Variants in ST6GAL1 observed in about 807,000 individuals in gnomAD.
ST6GAL1 encodes beta-galactoside alpha-2,6-sialyltransferase 1.
ST6GAL1 carries 20 observed loss-of-function variants against 38.0 expected under a neutral mutation model. That is an observed-to-expected ratio of 0.53 (90% confidence interval 0.37 to 0.77). The LOEUF is 0.77. Among genes scored for constraint, ST6GAL1 ranks in the 30% least tolerant of loss-of-function variants. The probability of loss-of-function intolerance (pLI) is 0.00; values close to 1 mark genes in which losing one functional copy is unlikely to be tolerated. For synonymous variants in ST6GAL1, 196 were observed against 188.2 expected, an observed-to-expected ratio of 1.04 and a Z score of -0.34; for missense variants, 432 against 496.4, an observed-to-expected ratio of 0.87 and a Z score of 1.23.
Position 187,075,777 on chromosome 3 carries a change from C to G in ST6GAL1, c.1195C>G (p.Pro399Ala). 6.2e-7 allele frequency: 1 copy of G among 1,614,226 alleles called. No homozygotes were observed. Among genetic ancestry groups the G allele is most frequent in the Middle Eastern group, 1.6e-4 (1 of 6,062 alleles). ...DIYLLGKATLPGFRTIHC is the reference protein window; with the variant it reads ...DIYLLGKATLAGFRTIHC Reference sequence around the variant, plus strand: ...CTACCTGCTTGGAAAAGCCACACTGCCTGGCTTCCGGACCATTCACTGCTA... The same window carrying G: ...CTACCTGCTTGGAAAAGCCACACTGGCTGGCTTCCGGACCATTCACTGCTA... Residue 399 changes from proline to alanine, a missense_variant, in exon 8 of 8, where the codon CCT (proline) becomes GCT (alanine). Physicochemically the swap from Pro to Ala is conservative, Grantham distance 27. Transcript: ENST00000169298. This position sits in a 1 kb window ranked among gnomAD's most constrained non-coding sequence, Gnocchi z 4.1.
intron 5 of ST6GAL1, among the ~76,000 whole-genome samples, chr3:187,057,687 C>T (rs949117406): frequency 1.3e-5 from 2 of 152,168 alleles, no homozygotes; most frequent in Non-Finnish European, 2.9e-5. Context: ...GGGGCAACTG[C>T]CTGTATGAGG....
intron 1 of ST6GAL1, among the ~76,000 whole-genome samples, chr3:186,962,401 A>C (rs983820822): frequency 3.9e-5 from 6 of 152,200 alleles, no homozygotes; most frequent in African/African-American, 1.4e-4. Context: ...GTCTTATCTT[A>C]GGCTGGGGCT....
chr3:187,048,333 G>C (rs1250862360), intron 4 of ST6GAL1, among the ~76,000 whole-genome samples: 3 of 152,054 alleles, frequency 2.0e-5, no homozygotes, highest in African/African-American at 7.2e-5. Context: ...CTCTGTAACT[G>C]TATCTTTGAT....
At chr3:186,961,011 T>C (rs1199999185) in intron 1 of ST6GAL1, among the ~76,000 whole-genome samples, 4 of 147,574 alleles carry the variant, frequency 2.7e-5, no homozygotes, top group Non-Finnish European at 6.0e-5. Flanking sequence ...ACTCTGTCAC[T>C]CAGGCTGGAG....
intron 2 of ST6GAL1, among the ~76,000 whole-genome samples, chr3:187,021,645 C>T (rs1312764721): frequency 6.7e-6 from 1 of 148,286 alleles, no homozygotes; most frequent in Admixed American, 6.9e-5. Context: ...GAGGCTGAGG[C>T]AGGAAGAATT....
intron 1 of ST6GAL1, among the ~76,000 whole-genome samples, chr3:186,957,390 C>T (rs567258061): frequency 3.3e-4 from 50 of 152,274 alleles, no homozygotes; most frequent in African/African-American, 1.1e-3. Context: ...TTGCAGTGAG[C>T]TGAGGTTGTA....
chr3:186,945,611 G>A (rs555770745), intron 1 of ST6GAL1, among the ~76,000 whole-genome samples: 1 of 152,282 alleles, frequency 6.6e-6, no homozygotes, highest in South Asian at 2.1e-4. Context: ...GGAACAGAAT[G>A]TGAGGAAGTA....
chr3:187,057,111 G>T lies in ST6GAL1; in HGVS notation c.705+5765G>T, dbSNP rs371399875. ...GATCGCATTGGCTATTGAAGCTTGT[G>T]CATGCATCTCGTAGTTCTTAAGCCA... On this transcript the variant is annotated intron_variant, in intron 5 of 7. Transcript: ENST00000169298. Among the ~76,000 whole-genome samples, 113 of 152,212 alleles carry T rather than the reference G, an allele frequency of 7.4e-4. 1 individual carries two copies. Among genetic ancestry groups the T allele is most frequent in the African/African-American group, 2.7e-3 (112 of 41,516 alleles).
chr3:187,009,585 CTG>C (rs1390081709), intron 2 of ST6GAL1, among the ~76,000 whole-genome samples: 1 of 152,184 alleles, frequency 6.6e-6, no homozygotes, highest in Non-Finnish European at 1.5e-5. Context: ...TGAGCTATCA[CTG>C]TGCCACTGTC....
intron 2 of ST6GAL1, among the ~76,000 whole-genome samples, chr3:187,022,760 G>A (rs985993232): frequency 5.3e-5 from 8 of 152,134 alleles, no homozygotes; most frequent in Non-Finnish European, 1.0e-4. Context: ...TGTATTTTGG[G>A]GCAAAATATT....
chr3:186,995,439 G>A (rs1477629511), intron 2 of ST6GAL1, among the ~76,000 whole-genome samples: 2 of 149,148 alleles, frequency 1.3e-5, no homozygotes, highest in African/African-American at 2.5e-5. Context: ...CCGGGAGGTG[G>A]AGCTTGCAGT....
chr3:187,017,268 AG>A lies in ST6GAL1; in HGVS notation c.-182-21472del, dbSNP rs145065251. ...GGCCTGGCCTCTCCCATTCTGCCCA[AG>A]GAAACCCTCTGTGAACTTTTACATT... On this transcript the variant is annotated intron_variant, in intron 2 of 7. Transcript: ENST00000169298. 2.6e-3 allele frequency among the ~76,000 whole-genome samples: 401 copies of A among 152,328 alleles called. 3 individuals carry two copies. The highest frequency in any genetic ancestry group is 9.4e-3 in the African/African-American group (389 of 41,572).
At chr3:187,061,712 A>G (rs2108594986) in intron 5 of ST6GAL1, among the ~76,000 whole-genome samples, 1 of 152,320 alleles carries the variant, frequency 6.6e-6, no homozygotes, top group African/African-American at 2.4e-5. Context: ...AAAAATAAAA[A>G]TTAACTCAAA....
At chr3:187,039,294 CGTG>C (rs1718045863) in intron 3 of ST6GAL1, among the ~76,000 whole-genome samples, 1 of 152,158 alleles carries the variant, frequency 6.6e-6, no homozygotes, top group Non-Finnish European at 1.5e-5. Flanking sequence ...CTAGAAGCCT[CGTG>C]ATGATTGTAA....
intron 2 of ST6GAL1, among the ~76,000 whole-genome samples, chr3:186,993,918 A>C (rs1167647598): frequency 1.3e-5 from 2 of 152,286 alleles, no homozygotes; most frequent in South Asian, 2.1e-4. Flanking sequence ...TCATCATCAT[A>C]ATAACAATTG....
intron 2 of ST6GAL1, among the ~76,000 whole-genome samples, chr3:187,014,709 T>G (rs535336640): frequency 6.6e-6 from 1 of 152,224 alleles, no homozygotes; most frequent in African/African-American, 2.4e-5. Flanking sequence ...CCTCTCCCAT[T>G]TGCGGTTCCT....
At chr3:187,021,632 C>T (rs920672907) in intron 2 of ST6GAL1, among the ~76,000 whole-genome samples, 12 of 149,698 alleles carry the variant, frequency 8.0e-5, no homozygotes, top group Admixed American at 3.4e-4. Flanking sequence ...CCCAGCTACT[C>T]GGGAGGCTGA....
chr3:187,049,778 A>T (rs1036847670), intron 4 of ST6GAL1, among the ~76,000 whole-genome samples: 9 of 152,228 alleles, frequency 5.9e-5, no homozygotes, highest in African/African-American at 1.9e-4. Context: ...TCATCTGTGA[A>T]ATGGAAAAGT....
chr3:186,936,315 GA>G (rs774708130), intron 1 of ST6GAL1, among the ~76,000 whole-genome samples: 1 of 152,230 alleles, frequency 6.6e-6, no homozygotes, highest in Non-Finnish European at 1.5e-5. Context: ...ATTCATTAAT[GA>G]AATTCACAGT....
Sources: allele counts gnomAD v4.1 joint callset (sites outside exome capture counted in the v4.1 genomes callset), GRCh38; gene constraint gnomAD v4.1.1; non-coding constraint Gnocchi (gnomAD v3.1); transcripts MANE v1.5; gene names NCBI Gene and HGNC (gene_info 2026-07-23, HGNC 2026-07-21).